Variants in SCUBE2 observed in about 807,000 individuals in gnomAD.
SCUBE2 encodes the protein signal peptide, CUB and EGF-like domain-containing protein 2.
SCUBE2 carries 114 observed loss-of-function variants against 125.9 expected under a neutral mutation model. The observed-to-expected ratio is 0.91, with a 90% CI of 0.78 to 1.06. The LOEUF is 1.06. Among genes scored for constraint, SCUBE2 ranks in the 50% least tolerant of loss-of-function variants. The pLI is 0.00. For synonymous variants in SCUBE2, 459 were observed against 492.9 expected (o/e 0.93, Z 0.91); for missense variants, 1,255 against 1,301.8 (o/e 0.96, Z 0.55).
rs745404449 is a variant in SCUBE2 at position 9,079,482 on chromosome 11, T to C, written c.284A>G (p.Asn95Ser). The change falls in exon 3 of 23, where the codon AAT becomes AGT. Residue 95 changes from asparagine to serine, a missense_variant. Physicochemically the swap from Asn to Ser is conservative, Grantham distance 46. Transcript: ENST00000649792. Reference protein sequence around the residue: ...EDIDECGNELNGGCVHDCLNI... With the variant: ...EDIDECGNELSGGCVHDCLNI... ...CAAACAGTCATGGACACAGCCTCCA[T>C]TGAGCTCATTTCCACATTCATCGAT... 1.1e-5 allele frequency: 17 copies of C among 1,613,834 alleles called. No individual in the cohort carries two copies. The East Asian group carries it at 1.1e-4, about 11-fold the overall frequency.
rs139246054 is a variant in SCUBE2, at chr11:9,027,373, G to T, written c.2692C>A (p.Arg898=). Residue 898 remains arginine, a synonymous_variant, in exon 20 of 23, where the codon CGG becomes AGG. Transcript: ENST00000649792. The stretch of plus-strand genomic sequence containing the variant: ...AGGGAGTGAGACGCACAGGTTTTCC[G>T]CATCACCAGATAGTCCCCACAGTCG... The part of the protein sequence containing the change: ...EDDCGDYLVM[R]KTSSSNSVTT... The T allele has an allele frequency of 5.0e-6, 8 of 1,613,900 alleles. No homozygotes were observed. Among genetic ancestry groups the T allele is most frequent in the Non-Finnish European group, 6.8e-6 (8 of 1,179,950 alleles).
chr11:9,062,651 G>A (rs1366400682), intron 7 of SCUBE2, among the ~76,000 whole-genome samples: 3 of 152,034 alleles, frequency 2.0e-5, no homozygotes, highest in African/African-American at 4.8e-5. Context: ...ATTTCCTCAG[G>A]GGGACAAGAA....
intron 6 of SCUBE2, 59 bp downstream of exon 6, chr11:9,066,638 A>G: frequency 7.6e-7 from 1 of 1,321,764 alleles, no homozygotes; most frequent in Non-Finnish European, 1.1e-6. Flanking sequence ...ATTAAGGGGT[A>G]GGGGTAGGGA....
At chr11:9,034,635 TG>T (rs1856600649) in intron 16 of SCUBE2, among the ~76,000 whole-genome samples, 1 of 152,140 alleles carries the variant, frequency 6.6e-6, no homozygotes, top group African/African-American at 2.4e-5. Context: ...CCGGCTGGGA[TG>T]GGTGGTGATC....
chr11:9,060,348 G>A (rs1859546834), intron 8 of SCUBE2, 60 bp downstream of exon 8: 2 of 1,295,626 alleles, frequency 1.5e-6, no homozygotes, highest in Admixed American at 3.4e-5. Context: ...CCATATGTTA[G>A]CGGCATGGGC....
intron 20 of SCUBE2, 32 bp from the exon 21 acceptor site, chr11:9,025,886 C>T (rs1320856412): frequency 6.2e-7 from 1 of 1,605,242 alleles, no homozygotes; most frequent in Non-Finnish European, 8.5e-7. Context: ...GGGTGGGGTT[C>T]AAGACTCATC....
At chr11:9,022,860 C>T (rs897952172) in intron 21 of SCUBE2, 2 of 152,220 alleles carry the variant, frequency 1.3e-5, no homozygotes, top group Non-Finnish European at 2.9e-5. Context: ...CTCTCACCTC[C>T]CCACCTCCCG....
Position 9,091,458 on chromosome 11 carries a change from G to A in SCUBE2, c.71C>T (p.Pro24Leu). 7.8e-7 allele frequency: 1 copy of A among 1,284,380 alleles called. No individual in the cohort carries two copies. Among genetic ancestry groups the A allele is most frequent in the Non-Finnish European group, 9.8e-7 (1 of 1,023,018 alleles). 79.6% of individuals were successfully genotyped at this position (1,284,380 alleles called of 1,614,324 possible). The change falls in exon 1 of 23, where the codon CCA becomes CTA. Residue 24 changes from proline (P) to leucine (L), a missense_variant. Coordinates refer to ENST00000649792, the MANE Select transcript of SCUBE2 (RefSeq NM_001367977.2). This position sits in a 1 kb window ranked among gnomAD's most constrained non-coding sequence, Gnocchi z 8.5. ...GACGGCCCCCGCCAGCAGCAGCAGT[G>A]GCGGCAGCAGCAGCAGCAGCAGCAG... ...AVLLLLLLLP[P>L]LLLLAGAVPP...
chr11:9,044,359 C>T (rs1286864563), intron 16 of SCUBE2, among the ~76,000 whole-genome samples: 1 of 152,060 alleles, frequency 6.6e-6, no homozygotes, highest in Non-Finnish European at 1.5e-5. Flanking sequence ...CTCAGATGAT[C>T]CTCCCGCCTT....
intron 17 of SCUBE2, chr11:9,031,185 G>C (rs1252847378): frequency 1.2e-5 from 4 of 336,050 alleles, no homozygotes; most frequent in Non-Finnish European, 5.4e-6. Context: ...TGCTTCCAAA[G>C]TATGGGAAGG....
At chr11:9,022,028 T>TA (rs1483903083) in intron 21 of SCUBE2, 73 bp from the exon 22 acceptor site, 1 of 1,156,004 alleles carries the variant, frequency 8.7e-7, no homozygotes, top group Non-Finnish European at 1.3e-6. Flanking sequence ...CACTTTTTGA[T>TA]AAGGTTCTGA....
intron 7 of SCUBE2, among the ~76,000 whole-genome samples, chr11:9,061,103 T>C (rs1859638511): frequency 6.6e-6 from 1 of 152,148 alleles, no homozygotes; most frequent in African/African-American, 2.4e-5. Flanking sequence ...ATTGCAACAA[T>C]GGAGATGAGG....
At chr11:9,081,538 C>A (rs1302056658) in intron 2 of SCUBE2, among the ~76,000 whole-genome samples, 1 of 152,018 alleles carries the variant, frequency 6.6e-6, no homozygotes, top group Non-Finnish European at 1.5e-5. Flanking sequence ...TTTTTTAAGG[C>A]TAATATTCTA....
At chr11:9,035,531 A>AAAT (rs1336232617) in intron 16 of SCUBE2, among the ~76,000 whole-genome samples, 4 of 152,230 alleles carry the variant, frequency 2.6e-5, no homozygotes, top group Non-Finnish European at 5.9e-5. Context: ...AGCTGCCAAG[A>AAAT]AATAGAAAAA....
At chr11:9,068,161 T>C (rs1860436716) in intron 5 of SCUBE2, among the ~76,000 whole-genome samples, 1 of 152,204 alleles carries the variant, frequency 6.6e-6, no homozygotes, top group East Asian at 1.9e-4. Context: ...CCAGTGAAAC[T>C]GTCCCCTCAT....
At position 9,059,304 on chromosome 11, in the gene SCUBE2, T is replaced by G. The variant is rs748333245; in HGVS notation, c.1089A>C (p.Gln363His). ...FKLLTDEKSC[Q>H]DVDECSLDRT... ...CACAGCTATGTTTTCAGCACATACC[T>G]TGGCAAGACTTCTCATCTGTTAATA... The change falls in exon 9 of 23, where the codon CAA becomes CAC. Residue 363 changes from glutamine to histidine, a missense_variant and splice_region_variant. Around this residue, in one of 3 missense-constraint regions of SCUBE2, gnomAD observed 378 missense variants for 463.1 expected, o/e 0.82. Transcript: ENST00000649792. The G allele has an allele frequency of 5.1e-5, 83 of 1,613,948 alleles. 2 individuals carry two copies. The South Asian group carries it at 9.0e-4, about 18-fold the overall frequency.
chr11:9,047,913 C>A, intron 15 of SCUBE2, 30 bp downstream of exon 15: 6 of 1,579,216 alleles, frequency 3.8e-6, no homozygotes, highest in Non-Finnish European at 5.2e-6. Context: ...CCGTGAGAAG[C>A]CTGGCAATGC....
chr11:9,085,718 T>G (rs1391373761), intron 2 of SCUBE2, among the ~76,000 whole-genome samples: 1 of 151,884 alleles, frequency 6.6e-6, no homozygotes, highest in Admixed American at 6.6e-5. Context: ...AAAGCGAGAC[T>G]GTGTCTCAAA....
intron 16 of SCUBE2, among the ~76,000 whole-genome samples, chr11:9,040,046 C>T (rs1857077362): frequency 6.6e-6 from 1 of 152,108 alleles, no homozygotes. Context: ...AGCACAGCAG[C>T]CACGCGCGTC....
Sources: allele counts gnomAD v4.1 joint callset (sites outside exome capture counted in the v4.1 genomes callset), GRCh38; gene constraint gnomAD v4.1.1; regional missense constraint gnomAD v4.1.1; non-coding constraint Gnocchi (gnomAD v3.1); transcripts MANE v1.5; gene names NCBI Gene and HGNC (gene_info 2026-07-23, HGNC 2026-07-21).